The following CLASP2 variants were observed in gnomAD, a reference collection of about 807,000 sequenced individuals.
CLASP2 encodes CLIP-associating protein 2.
CLASP2 carries 47 observed loss-of-function variants against 194.4 expected under a neutral mutation model. The observed-to-expected ratio is 0.24, with a 90% confidence interval of 0.19 to 0.31. The LOEUF (loss-of-function observed/expected upper bound fraction) is 0.31. Ranked by LOEUF, CLASP2 falls within the 10% of genes least tolerant of loss-of-function variation. The probability of loss-of-function intolerance (pLI) is 1.00; values close to 1 mark genes in which losing one functional copy is unlikely to be tolerated. For missense variants in CLASP2, 1,445 were observed against 1,823.6 expected (o/e 0.79, Z 3.78); for synonymous variants, 619 against 633.5 (o/e 0.98, Z 0.34).
chr3:33,624,392 A>G (rs2077631388), intron 10 of CLASP2, among the ~76,000 whole-genome samples: 1 of 152,168 alleles, frequency 6.6e-6, no homozygotes, highest in Non-Finnish European at 1.5e-5. Flanking sequence ...AAGTGTCTAA[A>G]TTATAACTAA....
chr3:33,673,874 A>C (rs2087924665), intron 6 of CLASP2, among the ~76,000 whole-genome samples: 1 of 152,222 alleles, frequency 6.6e-6, no homozygotes, highest in South Asian at 2.1e-4. Context: ...AAAGGGATCA[A>C]TTCAACAAGA....
intron 12 of CLASP2, among the ~76,000 whole-genome samples, chr3:33,615,520 T>C (rs1214587996): frequency 1.3e-5 from 2 of 149,718 alleles, no homozygotes; most frequent in African/African-American, 4.9e-5. Flanking sequence ...AAAAATGAAA[T>C]TGACAAAATT....
intron 33 of CLASP2, among the ~76,000 whole-genome samples, chr3:33,537,660 T>A (rs1559916772): frequency 6.6e-6 from 1 of 152,210 alleles, no homozygotes; most frequent in Non-Finnish European, 1.5e-5. Context: ...AGTGTAATGA[T>A]GTGTTTTTAA....
chr3:33,540,340 A>C (rs1251024730), intron 32 of CLASP2, among the ~76,000 whole-genome samples: 1 of 151,000 alleles, frequency 6.6e-6, no homozygotes, highest in Non-Finnish European at 1.5e-5. Flanking sequence ...AGGCTTAAAT[A>C]ATCATCCTGC....
intron 19 of CLASP2, 144 bp from the exon 20 acceptor site, chr3:33,595,112 G>A (rs763345155): frequency 4.3e-5 from 18 of 422,740 alleles, no homozygotes; most frequent in Admixed American, 9.0e-5. Context: ...AATTAACTGC[G>A]GGAAGGTTCA....
chr3:33,711,509 T>C (rs1288631422), intron 1 of CLASP2, among the ~76,000 whole-genome samples: 1 of 151,212 alleles, frequency 6.6e-6, no homozygotes, highest in Non-Finnish European at 1.5e-5. Context: ...ATCGGCCCAC[T>C]TCAGCCTCCC....
intron 6 of CLASP2, among the ~76,000 whole-genome samples, chr3:33,665,078 G>A (rs1048350944): frequency 6.6e-6 from 1 of 151,860 alleles, no homozygotes; most frequent in African/African-American, 2.4e-5. Flanking sequence ...ACTCCAGCCT[G>A]GGTGACAGAG....
chr3:33,608,498 T>G (rs1019812508), intron 14 of CLASP2, 69 bp downstream of exon 14: 11 of 1,200,100 alleles, frequency 9.2e-6, no homozygotes, highest in Non-Finnish European at 1.2e-5. Flanking sequence ...GTAAAACCAA[T>G]ACCATCAACT....
chr3:33,592,363 C>T (rs1430116928), intron 21 of CLASP2, 32 bp downstream of exon 21: 1 of 1,435,696 alleles, frequency 7.0e-7, no homozygotes, highest in Non-Finnish European at 9.8e-7. Context: ...AACATAGTGA[C>T]AAATATAGGA....
intron 25 of CLASP2, among the ~76,000 whole-genome samples, chr3:33,572,528 A>G (rs1004456975): frequency 6.6e-6 from 1 of 152,172 alleles, no homozygotes; most frequent in Non-Finnish European, 1.5e-5. Flanking sequence ...GGTCAACTAT[A>G]GGTTTAAAAC....
At chr3:33,704,200 T>G (rs937936800) in intron 1 of CLASP2, among the ~76,000 whole-genome samples, 1 of 149,946 alleles carries the variant, frequency 6.7e-6, no homozygotes, top group African/African-American at 2.5e-5. Flanking sequence ...ACACTTAGAG[T>G]GAAGCCTAAT....
At position 33,499,794 on chromosome 3, in the gene CLASP2, T is replaced by C. The variant is rs2046429410; in HGVS notation, c.4435-1077A>G. Among the ~76,000 whole-genome samples the C allele has an allele frequency of 2.0e-5, 3 of 152,174 alleles. No individual in the cohort carries two copies. The South Asian group carries it at 6.2e-4, about 32-fold the overall frequency. ...TTTACATTATATCTTTATCTTTATATTTTATAGATGAGGAAATAACAATAT... is the reference window on the plus strand; with the variant it reads ...TTTACATTATATCTTTATCTTTATACTTTATAGATGAGGAAATAACAATAT... On this transcript the variant is annotated intron_variant, in intron 38 of 38. Coordinates refer to ENST00000682230, the MANE Select transcript of CLASP2 (RefSeq NM_001365631.1).
chr3:33,640,174 C>A (rs906165045), intron 8 of CLASP2, among the ~76,000 whole-genome samples: 1 of 152,042 alleles, frequency 6.6e-6, no homozygotes, highest in African/African-American at 2.4e-5. Context: ...GTCTACTAGT[C>A]AAAATTTTGG....
Position 33,650,978 on chromosome 3 carries a change from C to G in CLASP2, c.716-6075G>C, listed in dbSNP as rs562502628. Among the ~76,000 whole-genome samples the G allele has an allele frequency of 2.6e-5, 4 of 152,274 alleles. No individual in the cohort carries two copies. In the South Asian group the frequency reaches 8.3e-4, roughly 32 times the overall value. ...CCCAACTTTTGTTTTGTCTTTTAAACTCATTTGGTGGCATTAAACTCATCT... is the reference window on the plus strand; with the variant it reads ...CCCAACTTTTGTTTTGTCTTTTAAAGTCATTTGGTGGCATTAAACTCATCT... On this transcript the variant is annotated intron_variant, in intron 7 of 38. Transcript: ENST00000682230.
intron 1 of CLASP2, among the ~76,000 whole-genome samples, chr3:33,715,841 CT>C: frequency 1.5e-5 from 1 of 64,956 alleles, no homozygotes; most frequent in Admixed American, 2.6e-4. Flanking sequence ...TTTATTGTAT[CT>C]TAAGTAAAAA....
At chr3:33,641,484 CCTT>C (rs1244071441) in intron 8 of CLASP2, among the ~76,000 whole-genome samples, 6 of 151,346 alleles carry the variant, frequency 4.0e-5, no homozygotes, top group Non-Finnish European at 8.9e-5. Flanking sequence ...CTAGCCATAG[CCTT>C]TTTTTCAAGT....
At chr3:33,572,678 C>A (rs2154194836) in intron 25 of CLASP2, among the ~76,000 whole-genome samples, 1 of 152,274 alleles carries the variant, frequency 6.6e-6, no homozygotes, top group East Asian at 1.9e-4. Context: ...CTTTGTATTA[C>A]ACTAAAATTC....
chr3:33,716,421 T>C (rs2093304225), intron 1 of CLASP2, among the ~76,000 whole-genome samples: 1 of 152,194 alleles, frequency 6.6e-6, no homozygotes, highest in African/African-American at 2.4e-5. Flanking sequence ...CAACTGTCAT[T>C]CACTGAGGTA....
In CLASP2 at chr3:33,604,037, G is replaced by A. The variant is rs1330215159; in HGVS notation, c.1750+117C>T. The A allele has an allele frequency of 2.2e-5, 16 of 719,050 alleles. No individual in the cohort carries two copies. In the East Asian group the frequency reaches 4.3e-4, roughly 19 times the overall value. 44.5% of individuals were successfully genotyped at this position (719,050 alleles called of 1,614,324 possible). A position where few individuals can be genotyped will look rare whatever the true frequency, so the allele number is the denominator to read the frequency against. On this transcript the variant is annotated intron_variant, in intron 17 of 38. Transcript: ENST00000682230. ...ACATATACAGGTACAGTGCATATGT[G>A]TGGTACTGAGTTACCAAGTAAAACG...
Sources: gnomAD v4.1 joint callset for allele counts (sites outside exome capture counted in the v4.1 genomes callset) on GRCh38, gnomAD v4.1.1 for gene constraint, MANE v1.5 for transcripts, NCBI Gene and HGNC (gene_info 2026-07-23, HGNC 2026-07-21) for gene names.